SEMA5A: variants seen among roughly 807,000 people sequenced by gnomAD.
SEMA5A encodes the protein semaphorin-5A.
A neutral mutation model predicts 135.5 loss-of-function variants in SEMA5A; 55 were observed. The ratio of observed to expected loss-of-function variants is 0.41; its 90% CI spans 0.33 to 0.51. The LOEUF is 0.51. Among genes scored for constraint, SEMA5A ranks in the 20% least tolerant of loss-of-function variants. The pLI is 0.37. For synonymous variants in SEMA5A, 580 were observed against 546.5 expected (o/e 1.06, Z -0.85); for missense variants, 1,290 against 1,419.9 (o/e 0.91, Z 1.47).
intron 1 of SEMA5A, among the ~76,000 whole-genome samples, chr5:9,450,756 CAAAA>C (rs755349461): frequency 7.7e-6 from 1 of 129,236 alleles, no homozygotes; most frequent in African/African-American, 2.8e-5. Context: ...TCTACCACAT[CAAAA>C]AAAAAAAAAA....
At chr5:9,410,873 GA>G (rs34258489) in intron 2 of SEMA5A, among the ~76,000 whole-genome samples, 25,285 of 138,504 alleles carry the variant, frequency 0.18, 2,390 homozygotes, top group African/African-American at 0.27. Flanking sequence ...ATAAAAGCAG[GA>G]AAAAAAAAAA....
rs1391433842 is a variant in SEMA5A at position 9,039,116 on chromosome 5, G to A, written c.*3781C>T. The A allele has an allele frequency of 6.6e-6, 1 of 152,246 alleles. No homozygotes were observed. The highest frequency in any genetic ancestry group is 6.5e-5 in the Admixed American group (1 of 15,284). 9.4% of individuals were successfully genotyped at this position (152,246 alleles called of 1,614,324 possible). A position where few individuals can be genotyped will look rare whatever the true frequency, so the allele number is the denominator to read the frequency against. On this transcript the variant is annotated 3_prime_UTR_variant, in exon 23 of 23. Coordinates refer to ENST00000382496, the MANE Select transcript of SEMA5A (RefSeq NM_003966.3). Reference sequence around the variant, plus strand: ...AGCAAAATAGGCTTTGACTCCCACAGTTTCCATCCTTTTGCAGATAAATAA... The same window carrying A: ...AGCAAAATAGGCTTTGACTCCCACAATTTCCATCCTTTTGCAGATAAATAA...
At chr5:9,516,383 G>A (rs1209855091) in intron 1 of SEMA5A, among the ~76,000 whole-genome samples, 7 of 152,050 alleles carry the variant, frequency 4.6e-5, no homozygotes, top group African/African-American at 1.2e-4. Flanking sequence ...TCATAGCACC[G>A]TTGGAAGCAG....
chr5:9,170,976 G>A (rs893801183), intron 11 of SEMA5A, among the ~76,000 whole-genome samples: 1 of 152,096 alleles, frequency 6.6e-6, no homozygotes, highest in Non-Finnish European at 1.5e-5. Context: ...TGGGTCAAAA[G>A]AGCTGAGAGA....
intron 1 of SEMA5A, among the ~76,000 whole-genome samples, chr5:9,524,908 A>C (rs901049909): frequency 4.6e-4 from 70 of 152,336 alleles, no homozygotes; most frequent in African/African-American, 1.6e-3. Context: ...CCAAAATTTG[A>C]CACTTTGGCT....
At chr5:9,052,164 T>A in intron 19 of SEMA5A, 136 bp from the exon 20 acceptor site, 2 of 952,660 alleles carry the variant, frequency 2.1e-6, no homozygotes, top group Non-Finnish European at 3.0e-6. Flanking sequence ...TGTGCATCAG[T>A]AAGATGTAGT....
At chr5:9,162,412 ATG>A (rs1287640900) in intron 11 of SEMA5A, among the ~76,000 whole-genome samples, 72 of 115,456 alleles carry the variant, frequency 6.2e-4, no homozygotes, top group South Asian at 6.1e-3. Flanking sequence ...GTGTATATAT[ATG>A]TGTGTGTATA....
intron 15 of SEMA5A, among the ~76,000 whole-genome samples, chr5:9,110,291 G>C (rs1356860164): frequency 6.6e-6 from 1 of 152,174 alleles, no homozygotes; most frequent in Non-Finnish European, 1.5e-5. Context: ...CCAGGAGTTG[G>C]TGCTTCATCT....
At chr5:9,255,151 A>G (rs1748998099) in intron 5 of SEMA5A, among the ~76,000 whole-genome samples, 1 of 152,218 alleles carries the variant, frequency 6.6e-6, no homozygotes, top group Non-Finnish European at 1.5e-5. Context: ...AAGACAAAAC[A>G]TTCCTTATCT....
At chr5:9,109,639 G>C (rs1740135553) in intron 15 of SEMA5A, among the ~76,000 whole-genome samples, 1 of 152,244 alleles carries the variant, frequency 6.6e-6, no homozygotes, top group East Asian at 1.9e-4. Flanking sequence ...CCATCTGCTG[G>C]TGTAAGTCAG....
At chr5:9,382,686 A>G (rs972766090) in intron 2 of SEMA5A, among the ~76,000 whole-genome samples, 3 of 152,230 alleles carry the variant, frequency 2.0e-5, no homozygotes, top group African/African-American at 7.2e-5. Flanking sequence ...CACCCACTCA[A>G]TATTTACTGA....
intron 5 of SEMA5A, among the ~76,000 whole-genome samples, chr5:9,312,067 G>C (rs1009054564): frequency 6.6e-6 from 1 of 152,106 alleles, no homozygotes; most frequent in Non-Finnish European, 1.5e-5. Context: ...TTTGAACTCT[G>C]TTCAGTGAGC....
intron 3 of SEMA5A, among the ~76,000 whole-genome samples, chr5:9,345,828 C>T (rs1443196113): frequency 6.6e-6 from 1 of 151,958 alleles, no homozygotes; most frequent in Non-Finnish European, 1.5e-5. Flanking sequence ...CTGTATTATA[C>T]ACAACACAAT....
At chr5:9,282,090 C>T (rs558812023) in intron 5 of SEMA5A, among the ~76,000 whole-genome samples, 9 of 152,194 alleles carry the variant, frequency 5.9e-5, no homozygotes, top group African/African-American at 1.2e-4. Context: ...GGATTACAGA[C>T]GTGAGCCACC....
chr5:9,158,333 G>A (rs1047151385), intron 11 of SEMA5A, among the ~76,000 whole-genome samples: 9 of 151,876 alleles, frequency 5.9e-5, no homozygotes, highest in African/African-American at 2.2e-4. Flanking sequence ...TGAAGAATTG[G>A]TTTCATCCAA....
At position 9,379,936 on chromosome 5, in the gene SEMA5A, G is replaced by C; in HGVS notation, c.11C>G (p.Thr4Ser). The change falls in exon 3 of 23, where the codon ACC becomes AGC. Residue 4 changes from threonine to serine, a missense_variant. Physicochemically the swap from Thr to Ser is moderately conservative, Grantham distance 58 (BLOSUM62 1). Transcript: ENST00000382496. Reference sequence around the variant, plus strand: ...TGAGAACAGCCATGCTATAACACAGGTTCCCTTCATGGTGGGCAAGGGGCC... The same window carrying C: ...TGAGAACAGCCATGCTATAACACAGCTTCCCTTCATGGTGGGCAAGGGGCC... MKG[T>S]CVIAWLFSSL... 1 of 1,611,522 alleles carries C rather than the reference G, an allele frequency of 6.2e-7. No individual in the cohort carries two copies. Among genetic ancestry groups the C allele is most frequent in the Non-Finnish European group, 8.5e-7 (1 of 1,178,598 alleles).
chr5:9,297,586 C>T (rs1272815133), intron 5 of SEMA5A, among the ~76,000 whole-genome samples: 1 of 152,056 alleles, frequency 6.6e-6, no homozygotes, highest in Non-Finnish European at 1.5e-5. Flanking sequence ...GAGTATCTCA[C>T]TCCAATTGCC....
intron 13 of SEMA5A, among the ~76,000 whole-genome samples, chr5:9,124,092 G>A (rs1347683970): frequency 6.6e-6 from 1 of 152,146 alleles, no homozygotes; most frequent in Non-Finnish European, 1.5e-5. Flanking sequence ...GGGTGAGCTG[G>A]TGGTTCAGGG....
chr5:9,317,673 C>T (rs958124606), intron 5 of SEMA5A, among the ~76,000 whole-genome samples: 3 of 152,134 alleles, frequency 2.0e-5, no homozygotes, highest in African/African-American at 7.2e-5. Context: ...GAACTTTTTC[C>T]AAACTCTACA....
Sources: gnomAD v4.1 joint callset for allele counts (sites outside exome capture counted in the v4.1 genomes callset) on GRCh38, gnomAD v4.1.1 for gene constraint, MANE v1.5 for transcripts, NCBI Gene and HGNC (gene_info 2026-07-23, HGNC 2026-07-21) for gene names.